RNPEP: variants seen among roughly 807,000 people sequenced by gnomAD.
RNPEP encodes aminopeptidase B.
RNPEP carries 57 observed loss-of-function variants against 70.1 expected under a neutral mutation model. The observed-to-expected ratio is 0.81, with a 90% CI of 0.66 to 1.01. The LOEUF is 1.01. Among genes scored for constraint, RNPEP ranks in the 50% least tolerant of loss-of-function variants. The pLI is 0.00. For missense variants in RNPEP, 787 were observed against 852.4 expected, an observed-to-expected ratio of 0.92 and a Z score of 0.96; for synonymous variants, 335 against 357.4, an observed-to-expected ratio of 0.94 and a Z score of 0.71.
intron 10 of RNPEP, 42 bp from the exon 11 acceptor site, chr1:202,005,516 C>T: frequency 1.9e-6 from 3 of 1,606,404 alleles, no homozygotes; most frequent in Non-Finnish European, 1.7e-6. Flanking sequence ...GACAGATCCA[C>T]CAGGCAAGCT....
At chr1:202,004,014 G>T (rs556376199) in intron 9 of RNPEP, among the ~76,000 whole-genome samples, 144 of 152,270 alleles carry the variant, frequency 9.5e-4, no homozygotes, top group Admixed American at 2.2e-3. Flanking sequence ...GAGAAAAAAT[G>T]GGACAGATAT....
intron 4 of RNPEP, chr1:201,996,465 T>TTGTG (rs71281164): frequency 0.14 from 32,956 of 231,502 alleles, 2,494 homozygotes; most frequent in Non-Finnish European, 0.18. Flanking sequence ...ATGAGGTTCT[T>TTGTG]TGTGTGTGTG....
At chr1:201,983,259 G>A in intron 1 of RNPEP, 146 bp downstream of exon 1, 15 of 1,432,446 alleles carry the variant, frequency 1.0e-5, no homozygotes, top group Non-Finnish European at 1.4e-5. Context: ...CCCGCGCGCC[G>A]CCTCTAGGCC....
chr1:202,003,637 G>A (rs902701042), intron 9 of RNPEP, among the ~76,000 whole-genome samples, 176 bp downstream of exon 9: 42 of 151,798 alleles, frequency 2.8e-4, no homozygotes, highest in Admixed American at 2.2e-3. Flanking sequence ...GGACTGCCAC[G>A]TACACTAGGG....
In RNPEP at chr1:202,001,492, T is replaced by C. The variant is rs1224394241; in HGVS notation, c.1317+4T>C. 1.3e-6 allele frequency: 2 copies of C among 1,594,294 alleles called. No homozygotes were observed. Among genetic ancestry groups the C allele is most frequent in the Non-Finnish European group, 8.6e-7 (1 of 1,162,000 alleles). On this transcript the variant is annotated splice_donor_region_variant and intron_variant, in intron 7 of 10. Coordinates refer to ENST00000295640, the MANE Select transcript of RNPEP (RefSeq NM_020216.4). Reference sequence around the variant, plus strand: ...TCAGTTTGACAGTTTTCTCAAGGTATAGTCACATGAGGGGAGAAGGAAGAG... The same window carrying C: ...TCAGTTTGACAGTTTTCTCAAGGTACAGTCACATGAGGGGAGAAGGAAGAG...
intron 1 of RNPEP, among the ~76,000 whole-genome samples, chr1:201,985,191 T>A (rs1683091948): frequency 7.0e-6 from 1 of 142,066 alleles, no homozygotes; most frequent in African/African-American, 2.6e-5. Context: ...AGGCTCCATC[T>A]AAAAAAAAAA....
At chr1:202,004,793 G>A (rs1186330908) in intron 10 of RNPEP, among the ~76,000 whole-genome samples, 3 of 152,256 alleles carry the variant, frequency 2.0e-5, no homozygotes, top group African/African-American at 7.2e-5. Context: ...ACAGTGTCAT[G>A]TGGGAAACAC....
intron 1 of RNPEP, chr1:201,983,715 A>G: frequency 8.7e-7 from 1 of 1,156,028 alleles, no homozygotes; most frequent in African/African-American, 1.6e-5. Flanking sequence ...TTAGGGTGCT[A>G]TAAGCATTAT....
rs745384210 is a variant in RNPEP, at chr1:202,004,533, C to A, written c.1794+37C>A. 14 of 1,607,780 alleles carry A rather than the reference C, an allele frequency of 8.7e-6. No individual in the cohort carries two copies. The Admixed American group carries it at 1.3e-4, about 15-fold the overall frequency. Reference sequence around the variant, plus strand: ...CTGCCTCGCTGTTCCCGAAAGCACACTGGGACCCACTCGGCCATATGTGAA... The same window carrying A: ...CTGCCTCGCTGTTCCCGAAAGCACAATGGGACCCACTCGGCCATATGTGAA... On this transcript the variant is annotated intron_variant, in intron 10 of 10. Transcript: ENST00000295640.
intron 10 of RNPEP, 143 bp from the exon 11 acceptor site, chr1:202,005,415 G>A (rs1316912202): frequency 3.4e-6 from 3 of 883,284 alleles, no homozygotes; most frequent in Non-Finnish European, 5.3e-6. Context: ...CACTTCTGAT[G>A]AGAAGCTCCT....
At chr1:201,983,976 G>T (rs1227330048) in intron 1 of RNPEP, 2 of 688,680 alleles carry the variant, frequency 2.9e-6, no homozygotes, top group Non-Finnish European at 3.6e-6. Flanking sequence ...TCTCGTCCAG[G>T]CTGGAGTGCA....
At chr1:201,996,397 G>A in intron 4 of RNPEP, 134 bp downstream of exon 4, 2 of 719,654 alleles carry the variant, frequency 2.8e-6, no homozygotes, top group Non-Finnish European at 2.5e-6. Context: ...AAGGAGAGGA[G>A]GAAGAGAGGA....
intron 1 of RNPEP, among the ~76,000 whole-genome samples, chr1:201,986,910 C>G (rs890549480): frequency 2.6e-5 from 4 of 152,144 alleles, no homozygotes; most frequent in Non-Finnish European, 5.9e-5. Context: ...GCGTTAACCT[C>G]GGTCCCCTGG....
intron 4 of RNPEP, 135 bp downstream of exon 4, chr1:201,996,398 G>C: frequency 2.8e-6 from 2 of 707,848 alleles, no homozygotes; most frequent in South Asian, 3.3e-5. Context: ...AGGAGAGGAG[G>C]AAGAGAGGAG....
rs1356116900 is a variant in RNPEP, at chr1:201,983,044, C to T, written c.378C>T (p.Phe126=). Residue 126 remains phenylalanine, a synonymous_variant, in exon 1 of 11, where the codon TTC becomes TTT. Transcript: ENST00000295640. ...SHYGQALCVS[F]PQPCRAAERL... Reference sequence around the variant, plus strand: ...ATGGCCAGGCCCTGTGCGTGTCCTTCCCGCAGCCCTGCCGCGCCGCCGAGC... The same window carrying T: ...ATGGCCAGGCCCTGTGCGTGTCCTTTCCGCAGCCCTGCCGCGCCGCCGAGC... The T allele has an allele frequency of 2.0e-6, 3 of 1,528,646 alleles. No homozygotes were observed. Among genetic ancestry groups the T allele is most frequent in the South Asian group, 2.4e-5 (2 of 82,344 alleles). The allele number at this position is 1,528,646 out of a possible 1,614,324, so 94.7% of individuals were successfully genotyped here. A position where few individuals can be genotyped will look rare whatever the true frequency, so the allele number is the denominator to read the frequency against.
At chr1:202,000,891 CT>C (rs1437789602) in intron 6 of RNPEP, 2 of 56,680 alleles carry the variant, frequency 3.5e-5, no homozygotes, top group African/African-American at 4.7e-5. Flanking sequence ...AAGACTCCGT[CT>C]TAAAAAAAAA....
intron 6 of RNPEP, chr1:202,000,901 A>AAAC (rs1683770232): frequency 6.5e-6 from 1 of 154,310 alleles, no homozygotes; most frequent in Non-Finnish European, 1.4e-5. Flanking sequence ...CTTAAAAAAA[A>AAAC]AAAAAAAAAA....
In RNPEP at chr1:201,992,891, C is replaced by T. The variant is rs1027821140; in HGVS notation, c.738-3256C>T. On this transcript the variant is annotated intron_variant, in intron 3 of 10. Coordinates refer to ENST00000295640, the MANE Select transcript of RNPEP (RefSeq NM_020216.4). ...TGTGGGGTTTTCCAGAAAAATGTAA[C>T]AGATGTACAGTCTTCAACTGCAGGT... is the stretch of plus-strand genomic sequence containing the variant. Among the ~76,000 whole-genome samples, 3 of 152,158 alleles carry T rather than the reference C, an allele frequency of 2.0e-5. No homozygotes were observed. The East Asian group carries it at 5.8e-4, about 29-fold the overall frequency.
At chr1:201,989,607 G>T (rs762334223) in intron 3 of RNPEP, 76 bp downstream of exon 3, 28 of 1,526,874 alleles carry the variant, frequency 1.8e-5, no homozygotes, top group Non-Finnish European at 2.2e-5. Flanking sequence ...TGGACCTGCT[G>T]GGGGGGTTCT....
Sources: allele counts gnomAD v4.1 joint callset (sites outside exome capture counted in the v4.1 genomes callset), GRCh38; gene constraint gnomAD v4.1.1; transcripts MANE v1.5; gene names NCBI Gene and HGNC (gene_info 2026-07-23, HGNC 2026-07-21).